Variants in AUTS2 observed in about 807,000 individuals in gnomAD.
AUTS2 encodes the protein autism susceptibility gene 2 protein.
A neutral mutation model predicts 112.4 loss-of-function variants in AUTS2; 17 were observed. The ratio of observed to expected loss-of-function variants is 0.15; its 90% confidence interval spans 0.10 to 0.23. The LOEUF (loss-of-function observed/expected upper bound fraction) is 0.23, where lower values mean the gene tolerates loss of function less well. AUTS2 is among the 10% of genes least tolerant of loss of function. The pLI, the probability that AUTS2 is intolerant of heterozygous loss-of-function variation, is 1.00. For synonymous variants in AUTS2, 751 were observed against 702.7 expected (o/e 1.07, Z -1.09); for missense variants, 1,510 against 1,701.6 (o/e 0.89, Z 1.98).
At chr7:70,217,772 G>A (rs921922465) in intron 4 of AUTS2, among the ~76,000 whole-genome samples, 1 of 152,194 alleles carries the variant, frequency 6.6e-6, no homozygotes, top group Non-Finnish European at 1.5e-5. Flanking sequence ...ATCCCAGGTT[G>A]CAGCTTCGCT....
intron 1 of AUTS2, among the ~76,000 whole-genome samples, chr7:69,692,915 T>G (rs1193577112): frequency 6.6e-6 from 1 of 152,222 alleles, no homozygotes; most frequent in East Asian, 1.9e-4. Flanking sequence ...TGGTCAGGAA[T>G]GCACTGACCG....
At chr7:70,223,510 C>T (rs1410970551) in intron 4 of AUTS2, among the ~76,000 whole-genome samples, 1 of 152,074 alleles carries the variant, frequency 6.6e-6, no homozygotes, top group Admixed American at 6.6e-5. Flanking sequence ...ACTGCGCTGC[C>T]AGTTGTATAA....
intron 5 of AUTS2, among the ~76,000 whole-genome samples, chr7:70,565,199 G>A (rs1801658360): frequency 6.6e-6 from 1 of 152,182 alleles, no homozygotes; most frequent in Non-Finnish European, 1.5e-5. Flanking sequence ...TAAGATACAT[G>A]TGCATAAAAT....
intron 2 of AUTS2, among the ~76,000 whole-genome samples, chr7:69,973,422 T>C (rs1797935597): frequency 6.6e-6 from 1 of 152,210 alleles, no homozygotes; most frequent in South Asian, 2.1e-4. Context: ...TTTTTAAATT[T>C]CCTTTTCTTG....
chr7:70,028,588 T>G (rs1404115859), intron 2 of AUTS2, among the ~76,000 whole-genome samples: 1 of 152,234 alleles, frequency 6.6e-6, no homozygotes, highest in African/African-American at 2.4e-5. Context: ...GTGTCGTCAC[T>G]TCTATGGACA....
At chr7:70,505,781 TG>T (rs1798936154) in intron 5 of AUTS2, among the ~76,000 whole-genome samples, 1 of 152,124 alleles carries the variant, frequency 6.6e-6, no homozygotes, top group African/African-American at 2.4e-5. Context: ...CCAGAGGGTT[TG>T]GGGGAGGTAG....
chr7:69,907,585 T>C (rs1483018278), intron 2 of AUTS2, among the ~76,000 whole-genome samples: 1 of 152,210 alleles, frequency 6.6e-6, no homozygotes, highest in Non-Finnish European at 1.5e-5. Flanking sequence ...TTGCATTGTT[T>C]AGGCAATAAT....
intron 2 of AUTS2, among the ~76,000 whole-genome samples, chr7:70,019,032 C>G (rs1371439326): frequency 6.6e-6 from 1 of 152,136 alleles, no homozygotes; most frequent in African/African-American, 2.4e-5. Context: ...CAATGGTAGA[C>G]TGGATAAATA....
chr7:70,223,383 C>T (rs1811585133), intron 4 of AUTS2, among the ~76,000 whole-genome samples: 1 of 152,040 alleles, frequency 6.6e-6, no homozygotes. Context: ...CAACAGAGTC[C>T]CACGAGATTA....
At chr7:70,273,566 G>GA (rs1787792477) in intron 4 of AUTS2, among the ~76,000 whole-genome samples, 1 of 151,856 alleles carries the variant, frequency 6.6e-6, no homozygotes, top group Non-Finnish European at 1.5e-5. Context: ...ATTAGGGATA[G>GA]AAAAAATGTA....
At chr7:70,776,582 A>G (rs1435171298) in intron 13 of AUTS2, 1 of 159,052 alleles carries the variant, frequency 6.3e-6, no homozygotes. Context: ...GCTTCAATCA[A>G]AATGTGAATT....
At chr7:70,668,289 T>C (rs1459971091) in intron 5 of AUTS2, among the ~76,000 whole-genome samples, 1 of 152,178 alleles carries the variant, frequency 6.6e-6, no homozygotes, top group Admixed American at 6.5e-5. Flanking sequence ...AGATTCTGCA[T>C]TTCTAAAAAG....
chr7:70,208,536 A>G (rs991150663), intron 4 of AUTS2, among the ~76,000 whole-genome samples: 1 of 151,964 alleles, frequency 6.6e-6, no homozygotes, highest in Non-Finnish European at 1.5e-5. Context: ...TTAAGCATCT[A>G]CTCTGAGCCA....
intron 4 of AUTS2, among the ~76,000 whole-genome samples, chr7:70,137,005 T>C (rs1451871866): frequency 6.6e-6 from 1 of 152,180 alleles, no homozygotes; most frequent in Non-Finnish European, 1.5e-5. Flanking sequence ...CCAAAACCAG[T>C]ATATTTTACT....
At chr7:69,675,505 GTTTTTTTT>G (rs751222506) in intron 1 of AUTS2, among the ~76,000 whole-genome samples, 7 of 114,220 alleles carry the variant, frequency 6.1e-5, no homozygotes, top group African/African-American at 2.5e-4. Context: ...TTGGCTGAGG[GTTTTTTTT>G]TTTTTTTTTT....
chr7:69,748,380 AGCAATT>A (rs1787600129), intron 1 of AUTS2, among the ~76,000 whole-genome samples: 1 of 152,196 alleles, frequency 6.6e-6, no homozygotes, highest in African/African-American at 2.4e-5. Flanking sequence ...CAAATGTAAT[AGCAATT>A]ATTGTTAGTG....
At chr7:70,574,085 C>G (rs1274630071) in intron 5 of AUTS2, among the ~76,000 whole-genome samples, 2 of 152,098 alleles carry the variant, frequency 1.3e-5, no homozygotes, top group Non-Finnish European at 2.9e-5. Context: ...CAGCAACAGG[C>G]TGCCAAGATC....
chr7:69,927,881 G>A (rs565168241), intron 2 of AUTS2, among the ~76,000 whole-genome samples: 7 of 152,370 alleles, frequency 4.6e-5, no homozygotes, highest in South Asian at 2.1e-4. Flanking sequence ...GAACCACAGA[G>A]CCCCAAAGAG....
chr7:70,662,083 G>A (rs1286945428), intron 5 of AUTS2, among the ~76,000 whole-genome samples: 1 of 152,172 alleles, frequency 6.6e-6, no homozygotes, highest in Non-Finnish European at 1.5e-5. Flanking sequence ...TGGGCCAGGT[G>A]GGGGCTGTCG....
Sources: allele counts gnomAD v4.1 joint callset (sites outside exome capture counted in the v4.1 genomes callset), GRCh38; gene constraint gnomAD v4.1.1; transcripts MANE v1.5; gene names NCBI Gene and HGNC (gene_info 2026-07-23, HGNC 2026-07-21).